KRT6A: variants seen among roughly 807,000 people sequenced by gnomAD.
KRT6A encodes the protein keratin 6A.
Under a neutral mutation model 48.6 loss-of-function variants are expected in KRT6A, and 28 were observed. The observed-to-expected ratio is 0.58, with a 90% CI of 0.43 to 0.79. The LOEUF is 0.79. Among genes scored for constraint, KRT6A ranks in the 30% least tolerant of loss-of-function variants. The pLI is 0.00. For missense variants in KRT6A, 687 were observed against 724.3 expected (o/e 0.95, Z 0.59); for synonymous variants, 301 against 294.2 (o/e 1.02, Z -0.24).
Position 52,491,725 on chromosome 12 carries a change from C to T in KRT6A, c.552G>A (p.Leu184=), listed in dbSNP as rs775323190. The T allele has an allele frequency of 6.2e-7, 1 of 1,614,176 alleles. No individual in the cohort carries two copies. The highest frequency in any genetic ancestry group is 2.2e-5 in the East Asian group (1 of 44,882). Residue 184 remains leucine, a synonymous_variant, in exon 2 of 9, where the codon CTG becomes CTA. Transcript: ENST00000330722. Reference sequence around the variant, plus strand: ...TTTCCAGAACCTTGTTCTGCTGCTCCAGGAACCGCACCTGAAAGAGAGACA... The same window carrying T: ...TTTCCAGAACCTTGTTCTGCTGCTCTAGGAACCGCACCTGAAAGAGAGACA... ...FASFIDKVRF[L]EQQNKVLETK... is the part of the protein sequence containing the mutation.
In KRT6A at chr12:52,490,065, C is replaced by G. The variant is rs369911781; in HGVS notation, c.1081G>C (p.Glu361Gln). 3 of 1,613,906 alleles carry G rather than the reference C, an allele frequency of 1.9e-6. No homozygotes were observed. Among genetic ancestry groups the G allele is most frequent in the Non-Finnish European group, 2.5e-6 (3 of 1,180,008 alleles). ...EAESWYQTKY[E>Q]ELQVTAGRHG... Reference sequence around the variant, plus strand: ...CTGCCTGCTGTGACCTGCAGCTCCTCGTACTGCAGCCCAGAGGTGGAGAGA... The same window carrying G: ...CTGCCTGCTGTGACCTGCAGCTCCTGGTACTGCAGCCCAGAGGTGGAGAGA... The change falls in exon 6 of 9, where the codon GAG (glutamate) becomes CAG (glutamine). Residue 361 changes from glutamate (E) to glutamine (Q), a missense_variant. Physicochemically the swap from Glu to Gln is conservative, Grantham distance 29 (BLOSUM62 2). Coordinates refer to ENST00000330722, the MANE Select transcript of KRT6A (RefSeq NM_005554.4).
chr12:52,487,710 C>G lies in KRT6A; in HGVS notation c.*10G>C, dbSNP rs778568624. 1 of 1,614,064 alleles carries G rather than the reference C, an allele frequency of 6.2e-7. No individual in the cohort carries two copies. The highest frequency in any genetic ancestry group is 8.5e-7 in the Non-Finnish European group (1 of 1,180,048). On this transcript the variant is annotated 3_prime_UTR_variant, in exon 9 of 9. Coordinates refer to ENST00000330722, the MANE Select transcript of KRT6A (RefSeq NM_005554.4). Reference sequence around the variant, plus strand: ...TGAGGACTGTGGGACCGAGAGCTAGCAGACGCACTTTAGTGCTTATAGCTC... The same window carrying G: ...TGAGGACTGTGGGACCGAGAGCTAGGAGACGCACTTTAGTGCTTATAGCTC...
Position 52,490,626 on chromosome 12 carries a change from T to C in KRT6A, c.1020A>G (p.Gln340=). Residue 340 remains glutamine (Q), a synonymous_variant, in exon 5 of 9, where the codon CAA becomes CAG. Coordinates refer to ENST00000330722, the MANE Select transcript of KRT6A (RefSeq NM_005554.4). The stretch of plus-strand genomic sequence containing the variant: ...GGCTTCTCTGAGCAATCTCCTCATA[T>C]TGGGCCTTGACCTCAGCGATGATGC... ...LDSIIAEVKA[Q]YEEIAQRSRA... is the part of the protein sequence containing the mutation. 3.7e-6 allele frequency: 6 copies of C among 1,614,174 alleles called. No individual in the cohort carries two copies. The highest frequency in any genetic ancestry group is 5.1e-6 in the Non-Finnish European group (6 of 1,180,038).
In KRT6A at chr12:52,490,603, C is replaced by G; in HGVS notation, c.1043G>C (p.Ser348Thr). Residue 348 changes from serine (S) to threonine (T), a missense_variant, in exon 5 of 9, where the codon AGC (serine) becomes ACC (threonine). Transcript: ENST00000330722. ...GTACCAGGACTCAGCCTCAGCCCGG[C>G]TTCTCTGAGCAATCTCCTCATATTG... ...KAQYEEIAQR[S>T]RAEAESWYQT... 6.2e-7 allele frequency: 1 copy of G among 1,614,224 alleles called. No individual in the cohort carries two copies. Among genetic ancestry groups the G allele is most frequent in the Non-Finnish European group, 8.5e-7 (1 of 1,180,044 alleles).
intron 1 of KRT6A, 24 bp downstream of exon 1, chr12:52,492,625 A>G: frequency 1.9e-6 from 3 of 1,613,928 alleles, no homozygotes; most frequent in Admixed American, 1.7e-5. Flanking sequence ...GAAGTGCCCC[A>G]TGGAGGGCAT....
chr12:52,491,379 G>C, intron 2 of KRT6A, 143 bp downstream of exon 2: 1 of 1,359,856 alleles, frequency 7.4e-7, no homozygotes, highest in Admixed American at 1.9e-5. Flanking sequence ...GTTCTTGCAG[G>C]TTTGCTCCTA....
Position 52,490,664 on chromosome 12 carries a change from G to A in KRT6A, c.982C>T (p.Leu328=). The A allele has an allele frequency of 6.2e-7, 1 of 1,614,206 alleles. No homozygotes were observed. Among genetic ancestry groups the A allele is most frequent in the Non-Finnish European group, 8.5e-7 (1 of 1,180,040 alleles). The stretch of plus-strand genomic sequence containing the variant: ...TCAGCGATGATGCTGTCCAGGTCCA[G>A]GTTGCGGTTGTTGTCCATGGACAGC... ...VVLSMDNNRN[L]DLDSIIAEVK... is the part of the protein sequence containing the mutation. The change falls in exon 5 of 9, where the codon CTG becomes TTG. Residue 328 remains leucine (L), a synonymous_variant. Coordinates refer to ENST00000330722, the MANE Select transcript of KRT6A (RefSeq NM_005554.4).
chr12:52,490,953 C>T lies in KRT6A; in HGVS notation c.817G>A (p.Asp273Asn). Residue 273 changes from aspartate to asparagine, a missense_variant and splice_region_variant, in exon 4 of 9, where the codon GAT becomes AAT. Physicochemically the swap from Asp to Asn is conservative, Grantham distance 23 (BLOSUM62 1). This residue lies in a region of KRT6A where 566 missense variants were observed against 565.3 expected (regional missense o/e 1.00). Coordinates refer to ENST00000330722, the MANE Select transcript of KRT6A (RefSeq NM_005554.4). ...TTGTTCATGTAGGCAGCATCCACAT[C>T]CTGGGGAAAGAGCCAACAACCTGGA... ...AENEFVTLKK[D>N]VDAAYMNKVE... The T allele has an allele frequency of 6.2e-7, 1 of 1,613,930 alleles. No homozygotes were observed. The highest frequency in any genetic ancestry group is 8.5e-7 in the Non-Finnish European group (1 of 1,179,882).
At chr12:52,489,274 TTTTTC>T (rs1360199230) in intron 6 of KRT6A, among the ~76,000 whole-genome samples, 77 of 27,922 alleles carry the variant, frequency 2.8e-3, no homozygotes, top group Non-Finnish European at 6.2e-3. Flanking sequence ...TTATGAGGGT[TTTTTC>T]TTTTTCTTTT....
chr12:52,490,144 A>C, intron 5 of KRT6A, 76 bp from the exon 6 acceptor site: 2 of 1,611,064 alleles, frequency 1.2e-6, no homozygotes, highest in Middle Eastern at 3.5e-4. Context: ...CTTGTGTATC[A>C]TGCATGTCAT....
intron 4 of KRT6A, 56 bp downstream of exon 4, chr12:52,490,802 C>G: frequency 6.2e-7 from 1 of 1,614,068 alleles, no homozygotes; most frequent in South Asian, 1.1e-5. Flanking sequence ...CCCTATACAT[C>G]TTCTCCCCTT....
chr12:52,491,728 G>T lies in KRT6A; in HGVS notation c.549C>A (p.Phe183Leu), dbSNP rs1938270217. The change falls in exon 2 of 9, where the codon TTC (phenylalanine) becomes TTA (leucine). Residue 183 changes from phenylalanine to leucine, a missense_variant. Phe to Leu is a conservative substitution (Grantham distance 22, BLOSUM62 0). Around this residue, in one of 3 missense-constraint regions of KRT6A, gnomAD observed 566 missense variants for 565.3 expected, o/e 1.00. Transcript: ENST00000330722. The part of the protein sequence containing the change: ...KFASFIDKVR[F>L]LEQQNKVLET... ...CCAGAACCTTGTTCTGCTGCTCCAG[G>T]AACCGCACCTGAAAGAGAGACAAGA... 10 of 1,614,042 alleles carry T rather than the reference G, an allele frequency of 6.2e-6. No homozygotes were observed. The highest frequency in any genetic ancestry group is 8.5e-6 in the Non-Finnish European group (10 of 1,180,036).
chr12:52,489,631 T>G (rs897770190), intron 6 of KRT6A, among the ~76,000 whole-genome samples: 1 of 152,206 alleles, frequency 6.6e-6, no homozygotes, highest in East Asian at 1.9e-4. Context: ...TGTATTAGTG[T>G]ATTTTATGTG....
intron 5 of KRT6A, 94 bp from the exon 6 acceptor site, chr12:52,490,162 A>T (rs1444021707): frequency 4.4e-5 from 71 of 1,610,414 alleles, no homozygotes; most frequent in Non-Finnish European, 5.8e-5. Context: ...CATGAAGTGG[A>T]CCTAAAGGCT....
chr12:52,491,457 G>C, intron 2 of KRT6A, 65 bp downstream of exon 2: 1 of 1,584,028 alleles, frequency 6.3e-7, no homozygotes, highest in Middle Eastern at 1.7e-4. Flanking sequence ...TTCTGGCCCT[G>C]GTCACCCAAT....
At position 52,487,421 on chromosome 12, in the gene KRT6A, T is replaced by G; in HGVS notation, c.*299A>C. 1 of 452,262 alleles carries G rather than the reference T, an allele frequency of 2.2e-6. No homozygotes were observed. Among genetic ancestry groups the G allele is most frequent in the Admixed American group, 3.7e-5 (1 of 27,314 alleles). The allele number at this position is 452,262 out of a possible 1,614,324, so 28.0% of individuals were successfully genotyped here. A position where few individuals can be genotyped will look rare whatever the true frequency, so the allele number is the denominator to read the frequency against. ...AAAAGGAGCAGAGGTCATTTTCTTA[T>G]AATGCTCAGCCTCAGAGATAGAACA... On this transcript the variant is annotated 3_prime_UTR_variant, in exon 9 of 9. Transcript: ENST00000330722.
intron 6 of KRT6A, 175 bp downstream of exon 6, chr12:52,489,768 G>A: frequency 9.5e-7 from 1 of 1,047,370 alleles, no homozygotes; most frequent in Non-Finnish European, 1.4e-6. Context: ...TTTGTGTCAT[G>A]CCATAGGTAG....
In KRT6A at chr12:52,492,811, G is replaced by T; in HGVS notation, c.378C>A (p.Gly126=). 1 of 1,612,922 alleles carries T rather than the reference G, an allele frequency of 6.2e-7. No homozygotes were observed. The highest frequency in any genetic ancestry group is 8.5e-7 in the Non-Finnish European group (1 of 1,179,644). ...AGLAGGFGGP[G]FPVCPPGGIQ... ...TGCCTCCAGGGGGGCACACAGGGAA[G>T]CCAGGGCCCCCAAAGCCACCAGCAA... is the stretch of plus-strand genomic sequence containing the variant. Residue 126 remains glycine, a synonymous_variant, in exon 1 of 9, where the codon GGC becomes GGA. Coordinates refer to ENST00000330722, the MANE Select transcript of KRT6A (RefSeq NM_005554.4).
At chr12:52,492,506 G>T in intron 1 of KRT6A, 143 bp downstream of exon 1, 1 of 1,449,136 alleles carries the variant, frequency 6.9e-7, no homozygotes, top group South Asian at 1.2e-5. Context: ...GCTGCTTGCT[G>T]GGCACCAGCA....
Sources: allele counts gnomAD v4.1 joint callset (sites outside exome capture counted in the v4.1 genomes callset), GRCh38; gene constraint gnomAD v4.1.1; regional missense constraint gnomAD v4.1.1; transcripts MANE v1.5; gene names NCBI Gene and HGNC (gene_info 2026-07-23, HGNC 2026-07-21).